The following PACSIN2 variants were observed in gnomAD, a reference collection of about 807,000 sequenced individuals.
PACSIN2 encodes protein kinase C and casein kinase substrate in neurons protein 2.
Under a neutral mutation model 63.8 loss-of-function variants are expected in PACSIN2, and 25 were observed. The observed-to-expected ratio is 0.39, with a 90% CI of 0.29 to 0.55. The LOEUF is 0.55. Ranked by LOEUF, PACSIN2 falls within the 20% of genes least tolerant of loss-of-function variation. The pLI is 0.62. For missense variants in PACSIN2, 518 were observed against 646.9 expected, an observed-to-expected ratio of 0.80 and a Z score of 2.16; for synonymous variants, 255 against 256.2, an observed-to-expected ratio of 1.00 and a Z score of 0.05.
At chr22:42,918,673 C>T (rs1931965598) in intron 1 of PACSIN2, among the ~76,000 whole-genome samples, 2 of 152,136 alleles carry the variant, frequency 1.3e-5, no homozygotes, top group African/African-American at 4.8e-5. Context: ...CAGGCATTTC[C>T]AGAATCCGGC....
At chr22:42,946,849 G>T (rs1251973136) in intron 1 of PACSIN2, 1 of 152,258 alleles carries the variant, frequency 6.6e-6, no homozygotes, top group African/African-American at 2.4e-5. Context: ...ACAAATACAG[G>T]AGACATGTGG....
intron 1 of PACSIN2, among the ~76,000 whole-genome samples, chr22:42,976,698 A>T (rs971748184): frequency 1.3e-5 from 2 of 152,260 alleles, no homozygotes; most frequent in African/African-American, 4.8e-5. Flanking sequence ...ATTGTGATGT[A>T]TAACATTAAC....
Position 42,884,288 on chromosome 22 carries a change from C to T in PACSIN2, c.785+98G>A, listed in dbSNP as rs80140090. On this transcript the variant is annotated intron_variant, in intron 6 of 10. Coordinates refer to ENST00000263246, the MANE Select transcript of PACSIN2 (RefSeq NM_001184970.3). ...GGCGGTGAGGAGACCTCCTGATGAA[C>T]GCGCCATCCCAAACCTGGGAGCAGC... 1.5e-3 allele frequency: 1,735 copies of T among 1,120,834 alleles called. 7 individuals carry two copies. The African/African-American group carries it at 0.016, about 10-fold the overall frequency. 69.4% of individuals were successfully genotyped at this position (1,120,834 alleles called of 1,614,324 possible).
At chr22:42,988,605 G>C (rs1193472442) in intron 1 of PACSIN2, among the ~76,000 whole-genome samples, 1 of 152,132 alleles carries the variant, frequency 6.6e-6, no homozygotes, top group African/African-American at 2.4e-5. Context: ...GTAGCCACAG[G>C]TATGAAGATT....
intron 1 of PACSIN2, among the ~76,000 whole-genome samples, chr22:43,013,547 G>A (rs1047028046): frequency 6.6e-6 from 1 of 152,252 alleles, no homozygotes; most frequent in African/African-American, 2.4e-5. Context: ...CATGAATCAA[G>A]TGGAACGACA....
chr22:43,008,723 C>T (rs1272656496), intron 1 of PACSIN2, among the ~76,000 whole-genome samples: 1 of 152,256 alleles, frequency 6.6e-6, no homozygotes, highest in Non-Finnish European at 1.5e-5. Flanking sequence ...CTTTCAAACC[C>T]ACCCAGCGGC....
At chr22:42,925,269 C>A (rs1042656530) in intron 1 of PACSIN2, among the ~76,000 whole-genome samples, 2 of 151,992 alleles carry the variant, frequency 1.3e-5, no homozygotes, top group Non-Finnish European at 2.9e-5. Flanking sequence ...CACTTGAGGT[C>A]AGGAGTTTAA....
At chr22:42,962,442 C>T (rs1001548792) in intron 1 of PACSIN2, among the ~76,000 whole-genome samples, 4 of 152,150 alleles carry the variant, frequency 2.6e-5, no homozygotes, top group Admixed American at 6.5e-5. Context: ...AGCCTGTAAG[C>T]CAGGCTACAC....
chr22:42,992,333 T>C (rs114048169), intron 1 of PACSIN2, among the ~76,000 whole-genome samples: 31 of 152,274 alleles, frequency 2.0e-4, no homozygotes, highest in African/African-American at 7.5e-4. Context: ...GCAAAGCACT[T>C]TGGAAAAGTT....
At chr22:42,957,875 G>A (rs767883768) in intron 1 of PACSIN2, among the ~76,000 whole-genome samples, 2 of 152,036 alleles carry the variant, frequency 1.3e-5, no homozygotes, top group Admixed American at 6.6e-5. Flanking sequence ...CGTGAGGCCC[G>A]CTTCTATCAG....
intron 1 of PACSIN2, among the ~76,000 whole-genome samples, chr22:42,971,451 G>C (rs1252527915): frequency 6.6e-6 from 1 of 152,218 alleles, no homozygotes; most frequent in East Asian, 1.9e-4. Flanking sequence ...CCACCTCCCA[G>C]CCGCCTGCCT....
chr22:43,000,153 G>A (rs1923675901), intron 1 of PACSIN2, among the ~76,000 whole-genome samples: 1 of 152,216 alleles, frequency 6.6e-6, no homozygotes, highest in Admixed American at 6.5e-5. Context: ...GCCGGCCCAA[G>A]ACCAAAACAT....
chr22:43,002,261 T>C (rs987579777), intron 1 of PACSIN2: 3 of 151,966 alleles, frequency 2.0e-5, no homozygotes, highest in Non-Finnish European at 2.9e-5. Flanking sequence ...CCAATATGCA[T>C]CCCTTAAGTG....
chr22:42,987,867 G>C (rs1026690847), intron 1 of PACSIN2, among the ~76,000 whole-genome samples: 1 of 151,974 alleles, frequency 6.6e-6, no homozygotes, highest in African/African-American at 2.4e-5. Context: ...CAGGCTGGAC[G>C]TAGTGGTTTA....
intron 1 of PACSIN2, among the ~76,000 whole-genome samples, chr22:42,980,349 A>G (rs1441882369): frequency 6.6e-6 from 1 of 152,178 alleles, no homozygotes; most frequent in Admixed American, 6.5e-5. Context: ...CCTTGTCTCT[A>G]CTAAAAATCA....
At chr22:42,967,126 G>T (rs192880139) in intron 1 of PACSIN2, among the ~76,000 whole-genome samples, 1 of 152,032 alleles carries the variant, frequency 6.6e-6, no homozygotes, top group African/African-American at 2.4e-5. Flanking sequence ...ACTAGGCAGG[G>T]AATGTGGAAG....
chr22:42,881,710 A>C (rs552778382), intron 7 of PACSIN2, among the ~76,000 whole-genome samples: 1 of 152,320 alleles, frequency 6.6e-6, no homozygotes, highest in African/African-American at 2.4e-5. Flanking sequence ...ATCAGGATTC[A>C]CTGAATTTAC....
At chr22:42,996,235 A>C (rs1409564986) in intron 1 of PACSIN2, among the ~76,000 whole-genome samples, 1 of 150,532 alleles carries the variant, frequency 6.6e-6, no homozygotes, top group Non-Finnish European at 1.5e-5. Flanking sequence ...AAAAATAATA[A>C]AATTAGCCAG....
intron 2 of PACSIN2, among the ~76,000 whole-genome samples, chr22:42,902,716 C>G (rs112569068): frequency 6.6e-6 from 1 of 152,104 alleles, no homozygotes; most frequent in Non-Finnish European, 1.5e-5. Flanking sequence ...TGGGTTCAAG[C>G]GATTCTCCTG....
Sources: allele counts gnomAD v4.1 joint callset (sites outside exome capture counted in the v4.1 genomes callset), GRCh38; gene constraint gnomAD v4.1.1; transcripts MANE v1.5; gene names NCBI Gene and HGNC (gene_info 2026-07-23, HGNC 2026-07-21).